Variants in NKAIN2 observed in about 807,000 individuals in gnomAD.
NKAIN2 encodes sodium/potassium-transporting ATPase subunit beta-1-interacting protein 2.
NKAIN2 carries 14 observed loss-of-function variants against 32.6 expected under a neutral mutation model. The observed-to-expected ratio is 0.43, with a 90% confidence interval of 0.28 to 0.67. The LOEUF (loss-of-function observed/expected upper bound fraction) is 0.67, where lower values mean the gene tolerates loss of function less well. Among genes scored for constraint, NKAIN2 ranks in the 30% least tolerant of loss-of-function variants. The pLI is 0.17. For synonymous variants in NKAIN2, 80 were observed against 87.2 expected, an observed-to-expected ratio of 0.92 and a Z score of 0.46; for missense variants, 198 against 258.3, an observed-to-expected ratio of 0.77 and a Z score of 1.60.
At chr6:124,256,827 T>G (rs1793957985) in intron 1 of NKAIN2, among the ~76,000 whole-genome samples, 1 of 151,860 alleles carries the variant, frequency 6.6e-6, no homozygotes. Context: ...CTTCAAACCA[T>G]TTTCTTCTGC....
intron 1 of NKAIN2, among the ~76,000 whole-genome samples, chr6:124,240,918 A>G (rs1173696447): frequency 2.0e-5 from 3 of 152,162 alleles, no homozygotes; most frequent in Admixed American, 2.0e-4. Flanking sequence ...AAAGAAATAA[A>G]TGGTATTCAA....
chr6:123,937,945 G>A (rs1776594343), intron 1 of NKAIN2, among the ~76,000 whole-genome samples: 1 of 44,216 alleles, frequency 2.3e-5, no homozygotes, highest in Non-Finnish European at 4.3e-5. Context: ...GTTGTAGCCA[G>A]CAGTGTCCTT....
At chr6:124,704,995 T>C (rs1774983165) in intron 4 of NKAIN2, among the ~76,000 whole-genome samples, 1 of 152,086 alleles carries the variant, frequency 6.6e-6, no homozygotes, top group Non-Finnish European at 1.5e-5. Context: ...TTTATTTAAT[T>C]ACAAATCTAC....
chr6:124,445,493 A>C (rs889166363), intron 3 of NKAIN2, among the ~76,000 whole-genome samples: 1 of 152,110 alleles, frequency 6.6e-6, no homozygotes, highest in African/African-American at 2.4e-5. Context: ...CCTCTGGAAG[A>C]CAAAAAAAAT....
chr6:124,237,307 A>T (rs1792824984), intron 1 of NKAIN2, among the ~76,000 whole-genome samples: 1 of 152,210 alleles, frequency 6.6e-6, no homozygotes, highest in African/African-American at 2.4e-5. Context: ...TGGAAAAGTT[A>T]GATAATACTG....
chr6:124,136,015 A>G (rs1786764472), intron 1 of NKAIN2, among the ~76,000 whole-genome samples: 1 of 152,142 alleles, frequency 6.6e-6, no homozygotes. Flanking sequence ...AGCAGAAAAA[A>G]AGCAATAACA....
At chr6:123,950,829 A>C (rs1777292858) in intron 1 of NKAIN2, among the ~76,000 whole-genome samples, 3 of 151,794 alleles carry the variant, frequency 2.0e-5, no homozygotes, top group Non-Finnish European at 4.4e-5. Flanking sequence ...GCTTCTACTA[A>C]TTTGGGGTTT....
At chr6:124,465,310 G>A (rs866001529) in intron 3 of NKAIN2, among the ~76,000 whole-genome samples, 2 of 152,004 alleles carry the variant, frequency 1.3e-5, no homozygotes, top group Non-Finnish European at 1.5e-5. Context: ...CCATAAAAAC[G>A]GATGAATTCA....
At chr6:124,497,817 T>C (rs1454480665) in intron 3 of NKAIN2, among the ~76,000 whole-genome samples, 1 of 87,654 alleles carries the variant, frequency 1.1e-5, no homozygotes, top group Non-Finnish European at 2.0e-5. Flanking sequence ...GTTTCTAGAG[T>C]AAGGGGTAAA....
intron 2 of NKAIN2, among the ~76,000 whole-genome samples, chr6:124,347,797 G>A (rs539217241): frequency 2.1e-4 from 32 of 152,190 alleles, no homozygotes; most frequent in African/African-American, 7.0e-4. Flanking sequence ...CCTGTAGCTC[G>A]GAGCAGTTTG....
At chr6:124,208,887 A>G (rs944018359) in intron 1 of NKAIN2, among the ~76,000 whole-genome samples, 2 of 151,806 alleles carry the variant, frequency 1.3e-5, no homozygotes, top group Middle Eastern at 3.4e-3. Flanking sequence ...ATTTTGATGC[A>G]GGTATAGAAT....
intron 1 of NKAIN2, among the ~76,000 whole-genome samples, chr6:124,137,199 T>G (rs750362556): frequency 1.1e-4 from 16 of 152,138 alleles, no homozygotes; most frequent in Non-Finnish European, 1.9e-4. Flanking sequence ...TTAGTAGCAG[T>G]GCTATACACC....
chr6:124,412,127 C>T (rs980032585), intron 3 of NKAIN2, among the ~76,000 whole-genome samples: 4 of 152,114 alleles, frequency 2.6e-5, no homozygotes, highest in Admixed American at 2.6e-4. Context: ...TTGGTTTGAA[C>T]TTCCTCCTTT....
At chr6:124,726,228 C>A (rs1316123717) in intron 4 of NKAIN2, among the ~76,000 whole-genome samples, 1 of 151,104 alleles carries the variant, frequency 6.6e-6, no homozygotes, top group East Asian at 2.0e-4. Flanking sequence ...GGCCTGCCTG[C>A]CTCTGTAGGC....
At chr6:124,418,517 A>G (rs1051884416) in intron 3 of NKAIN2, among the ~76,000 whole-genome samples, 1 of 147,922 alleles carries the variant, frequency 6.8e-6, no homozygotes, top group Non-Finnish European at 1.5e-5. Flanking sequence ...TATATATGAT[A>G]TATATACTTT....
chr6:124,679,376 C>T (rs1160291820), intron 4 of NKAIN2, among the ~76,000 whole-genome samples: 1 of 152,096 alleles, frequency 6.6e-6, no homozygotes, highest in Non-Finnish European at 1.5e-5. Context: ...GAAACCAGTG[C>T]CTTGGGCAGC....
intron 4 of NKAIN2, among the ~76,000 whole-genome samples, chr6:124,676,590 G>A (rs1179436375): frequency 2.0e-5 from 3 of 151,834 alleles, no homozygotes; most frequent in Admixed American, 6.6e-5. Flanking sequence ...TTTGTCTCTT[G>A]TGACTATTTA....
intron 3 of NKAIN2, among the ~76,000 whole-genome samples, chr6:124,541,525 A>G (rs1300664255): frequency 6.6e-6 from 1 of 152,236 alleles, no homozygotes; most frequent in African/African-American, 2.4e-5. Context: ...ATGTACACAG[A>G]AAGACAGATT....
At chr6:124,421,074 T>TAAA (rs35625714) in intron 3 of NKAIN2, among the ~76,000 whole-genome samples, 129 of 133,732 alleles carry the variant, frequency 9.6e-4, no homozygotes, top group East Asian at 8.6e-3. Context: ...CTGTCAAAAT[T>TAAA]AAAAAAAAAA....
Sources: gnomAD v4.1 joint callset for allele counts (sites outside exome capture counted in the v4.1 genomes callset) on GRCh38, gnomAD v4.1.1 for gene constraint, MANE v1.5 for transcripts, NCBI Gene and HGNC (gene_info 2026-07-23, HGNC 2026-07-21) for gene names.